Variants in CD109 observed in about 807,000 individuals in gnomAD.
The protein encoded by CD109 is CD109 antigen.
CD109 carries 149 observed loss-of-function variants against 165.8 expected under a neutral mutation model. That is an observed-to-expected ratio of 0.90 (90% CI 0.79 to 1.03). CD109 has a LOEUF of 1.03. Among genes scored for constraint, CD109 ranks in the 50% least tolerant of loss-of-function variants. The pLI is 0.00. For missense variants in CD109, 1,712 were observed against 1,677.8 expected (o/e 1.02, Z -0.36); for synonymous variants, 585 against 592.1 (o/e 0.99, Z 0.18).
chr6:73,790,099 C>CTTTTTTTTT lies in CD109; in HGVS notation c.2701+1492_2701+1500dup, dbSNP rs56024477. 5.5e-4 allele frequency among the ~76,000 whole-genome samples: 71 copies of CTTTTTTTTT among 130,080 alleles called. 2 individuals carry two copies. Among genetic ancestry groups the CTTTTTTTTT allele is most frequent in the African/African-American group, 1.8e-3 (58 of 33,098 alleles). 85.3% of individuals were successfully genotyped at this position (130,080 alleles called of 152,430 possible). A position where few individuals can be genotyped will look rare whatever the true frequency, so the allele number is the denominator to read the frequency against. On this transcript the variant is annotated intron_variant, in intron 22 of 32. Coordinates refer to ENST00000287097, the MANE Select transcript of CD109 (RefSeq NM_133493.5). ...AACTATATTTACCATGCTAAAAGTC[C>CTTTTTTTTT]TTTTTTTTTTTTTGAGATGGAGTCT...
the CD109 span, among the ~76,000 whole-genome samples, chr6:73,686,842 C>T: frequency 5.9e-5 from 9 of 152,264 alleles, no homozygotes; most frequent in South Asian, 1.2e-3. Flanking sequence ...CAGGTGCCTG[C>T]TGCCATGCCC....
intron 22 of CD109, among the ~76,000 whole-genome samples, chr6:73,789,216 A>G (rs2150261959): frequency 6.6e-6 from 1 of 152,346 alleles, no homozygotes; most frequent in African/African-American, 2.4e-5. Flanking sequence ...GGATATGAGT[A>G]ACCTTTACAG....
At chr6:73,694,577 GTTC>G (rs1349993282), upstream of CD109, 1 of 152,296 alleles carries the variant, frequency 6.6e-6, no homozygotes, top group East Asian at 1.9e-4. Flanking sequence ...AATTTTCTGT[GTTC>G]TTAATTGCCT....
chr6:73,809,849 A>G lies in CD109; in HGVS notation c.3356-135A>G, dbSNP rs1775690024. 5 of 600,466 alleles carry G rather than the reference A, an allele frequency of 8.3e-6. No homozygotes were observed. The South Asian group carries it at 1.2e-4, about 14-fold the overall frequency. 37.2% of individuals were successfully genotyped at this position (600,466 alleles called of 1,614,324 possible). ...TGATAAATAAATACATGTCTGGCAT[A>G]AATAAATACATGTATACAAGTATAT... On this transcript the variant is annotated intron_variant, in intron 26 of 32. Coordinates refer to ENST00000287097, the MANE Select transcript of CD109 (RefSeq NM_133493.5).
Position 73,810,183 on chromosome 6 carries a change from T to C in CD109, c.3546+9T>C, listed in dbSNP as rs770995529. 5.3e-6 allele frequency: 8 copies of C among 1,496,586 alleles called. No homozygotes were observed. The East Asian group carries it at 1.7e-4, about 33-fold the overall frequency. The allele number at this position is 1,496,586 out of a possible 1,614,324, so 92.7% of individuals were successfully genotyped here. A position where few individuals can be genotyped will look rare whatever the true frequency, so the allele number is the denominator to read the frequency against. ...GTTTTGCATCTACTCAGGTGAGAGA[T>C]GATAGTTTTTTCCCTTTAAACTATA... is the stretch of plus-strand genomic sequence containing the variant. On this transcript the variant is annotated intron_variant, in intron 27 of 32. Transcript: ENST00000287097.
intron 17 of CD109, 67 bp from the exon 18 acceptor site, chr6:73,782,547 A>T (rs767501306): frequency 1.4e-6 from 2 of 1,445,818 alleles, no homozygotes. Flanking sequence ...TTCATTTTGT[A>T]TGTGGAGTTT....
chr6:73,791,198 T>TATATATACACACATAC (rs1774946189), intron 22 of CD109, among the ~76,000 whole-genome samples: 1 of 103,824 alleles, frequency 9.6e-6, no homozygotes, highest in South Asian at 4.0e-4. Flanking sequence ...CATACATATA[T>TATATATACACACATAC]ATATATATAT....
chr6:73,712,390 A>G lies in CD109; in HGVS notation c.248-10861A>G, dbSNP rs1321596175. On this transcript the variant is annotated intron_variant, in intron 2 of 32. Coordinates refer to ENST00000287097, the MANE Select transcript of CD109 (RefSeq NM_133493.5). ...AGTGATAATAAATTTATTATTGCATAAGACTGAGTAGCAAAAGGCTGCCAA... is the reference window on the plus strand; with the variant it reads ...AGTGATAATAAATTTATTATTGCATGAGACTGAGTAGCAAAAGGCTGCCAA... 2.0e-5 allele frequency among the ~76,000 whole-genome samples: 3 copies of G among 152,246 alleles called. No homozygotes were observed. In the East Asian group the frequency reaches 5.8e-4, roughly 29 times the overall value.
chr6:73,790,386 G>T (rs900011039), intron 22 of CD109, among the ~76,000 whole-genome samples: 6 of 152,118 alleles, frequency 3.9e-5, no homozygotes, highest in African/African-American at 1.4e-4. Context: ...ATGAGCCATT[G>T]CGCCCAGCCT....
chr6:73,682,080 C>T, the CD109 span, among the ~76,000 whole-genome samples: 1 of 151,992 alleles, frequency 6.6e-6, no homozygotes, highest in Non-Finnish European at 1.5e-5. Context: ...ATCATTCCAC[C>T]CCGGCCCCTC....
the CD109 span, among the ~76,000 whole-genome samples, chr6:73,684,529 T>A: frequency 6.6e-6 from 1 of 151,826 alleles, no homozygotes; most frequent in African/African-American, 2.4e-5. Flanking sequence ...CCAACTTTTG[T>A]CTTTTTTTGA....
chr6:73,787,394 C>T lies in CD109; in HGVS notation c.2498C>T (p.Thr833Ile), dbSNP rs1774737865. ...RPTHLGEIPI[T>I]VTALSPTASD... ...ACACATCTGGGAGAAATTCCTATCACAGTCACAGCTCTTTCACCCACTGCT... is the reference window on the plus strand; with the variant it reads ...ACACATCTGGGAGAAATTCCTATCATAGTCACAGCTCTTTCACCCACTGCT... Residue 833 changes from threonine to isoleucine, a missense_variant, in exon 21 of 33, where the codon ACA becomes ATA. Transcript: ENST00000287097. The T allele has an allele frequency of 6.2e-7, 1 of 1,614,052 alleles. No homozygotes were observed. Among genetic ancestry groups the T allele is most frequent in the Non-Finnish European group, 8.5e-7 (1 of 1,179,940 alleles).
rs941441710 is a variant in CD109, at chr6:73,696,285, C to G, written c.70C>G (p.Pro24Ala). The G allele has an allele frequency of 9.2e-6, 14 of 1,524,898 alleles. No homozygotes were observed. Among genetic ancestry groups the G allele is most frequent in the Middle Eastern group, 1.9e-4 (1 of 5,308 alleles). The allele number at this position is 1,524,898 out of a possible 1,614,324, so 94.5% of individuals were successfully genotyped here. A position where few individuals can be genotyped will look rare whatever the true frequency, so the allele number is the denominator to read the frequency against. Residue 24 changes from proline (P) to alanine (A), a missense_variant, in exon 1 of 33, where the codon CCC becomes GCC. By Grantham distance (27) the Pro-to-Ala change is conservative. Coordinates refer to ENST00000287097, the MANE Select transcript of CD109 (RefSeq NM_133493.5). ...CVCTAALAVA[P>A]GPRFLVTAPG... is the part of the protein sequence containing the mutation. The stretch of plus-strand genomic sequence containing the variant: ...GTGCACCGCCGCGCTGGCCGTGGCT[C>G]CCGGGTAGGAACGTGGGCGCGCGGG...
chr6:73,707,657 A>G (rs1771333189), intron 2 of CD109, among the ~76,000 whole-genome samples: 1 of 152,132 alleles, frequency 6.6e-6, no homozygotes, highest in Admixed American at 6.6e-5. Flanking sequence ...TACTAACCAC[A>G]TGTGGTTTTT....
At chr6:73,692,444 C>T (rs1770707271), upstream of CD109, among the ~76,000 whole-genome samples, 2 of 152,040 alleles carry the variant, frequency 1.3e-5, no homozygotes, top group African/African-American at 2.4e-5. Context: ...TTGTAGGAAA[C>T]TTGGCATATC....
chr6:73,723,810 G>A (rs1189912276), intron 3 of CD109, among the ~76,000 whole-genome samples: 2 of 152,028 alleles, frequency 1.3e-5, no homozygotes, highest in Admixed American at 1.3e-4. Context: ...TAGCAACTGG[G>A]TGATGAAATA....
intron 7 of CD109, 105 bp downstream of exon 7, chr6:73,759,133 A>T (rs147140600): frequency 1.4e-6 from 1 of 700,532 alleles, no homozygotes; most frequent in East Asian, 2.7e-5. Context: ...TGCTTATTAA[A>T]ATACCTTAGT....
intron 2 of CD109, among the ~76,000 whole-genome samples, chr6:73,717,445 A>G (rs547766349): frequency 1.3e-5 from 2 of 151,080 alleles, no homozygotes; most frequent in South Asian, 2.1e-4. Context: ...GTCATCTTCA[A>G]TTTTTTTCAT....
intron 2 of CD109, among the ~76,000 whole-genome samples, chr6:73,711,021 G>A (rs1316591962): frequency 6.6e-6 from 1 of 152,026 alleles, no homozygotes; most frequent in Admixed American, 6.6e-5. Context: ...CAGCTATTTA[G>A]AAATGCAAAC....
Sources: gnomAD v4.1 joint callset for allele counts (sites outside exome capture counted in the v4.1 genomes callset) on GRCh38, gnomAD v4.1.1 for gene constraint, MANE v1.5 for transcripts, NCBI Gene and HGNC (gene_info 2026-07-23, HGNC 2026-07-21) for gene names.